CCDC181: variants seen among roughly 807,000 people sequenced by gnomAD.
The protein encoded by CCDC181 is coiled-coil domain-containing protein 181.
Under a neutral mutation model 58.7 loss-of-function variants are expected in CCDC181, and 35 were observed. That is an observed-to-expected ratio of 0.60 (90% confidence interval 0.46 to 0.79). The LOEUF (loss-of-function observed/expected upper bound fraction) is 0.79, where lower values mean the gene tolerates loss of function less well. CCDC181 is among the 30% of genes least tolerant of loss of function. The pLI is 0.00. For synonymous variants in CCDC181, 183 were observed against 197.5 expected, an observed-to-expected ratio of 0.93 and a Z score of 0.62; for missense variants, 517 against 583.9, an observed-to-expected ratio of 0.89 and a Z score of 1.18.
At position 169,421,649 on chromosome 1, in the gene CCDC181, T is replaced by C. The variant is rs768566003; in HGVS notation, c.782A>G (p.Asn261Ser). 6 of 1,614,036 alleles carry C rather than the reference T, an allele frequency of 3.7e-6. No individual in the cohort carries two copies. In the South Asian group the frequency reaches 6.6e-5, roughly 18 times the overall value. ...TTTCTTGGTGCCACTGACAGAGGAG[T>C]TGGAAGATCTGGGTAACAACTGCTG... ...DPQQLLPRSS[N>S]SSVSGTKKED... The change falls in exon 3 of 6, where the codon AAC becomes AGC. Residue 261 changes from asparagine (N) to serine (S), a missense_variant. By Grantham distance (46) the Asn-to-Ser change is conservative. Transcript: ENST00000367806.
In CCDC181 at chr1:169,419,040, T is replaced by G. The variant is rs1464387562; in HGVS notation, c.1188A>C (p.Ala396=). 1 of 1,613,740 alleles carries G rather than the reference T, an allele frequency of 6.2e-7. No individual in the cohort carries two copies. ...QVLEMRRIQR[A]KEIEDMNSRQ... is the part of the protein sequence containing the mutation. ...TACTGTTCATGTCTTCAATTTCCTTTGCTCGCTGAATTCTCCTCATTTCTA... is the reference window on the plus strand; with the variant it reads ...TACTGTTCATGTCTTCAATTTCCTTGGCTCGCTGAATTCTCCTCATTTCTA... Residue 396 remains alanine, a synonymous_variant, in exon 4 of 6, where the codon GCA becomes GCC. Transcript: ENST00000367806.
chr1:169,442,048 A>T (rs957423968), intron 2 of CCDC181, among the ~76,000 whole-genome samples: 1 of 152,140 alleles, frequency 6.6e-6, no homozygotes, highest in Non-Finnish European at 1.5e-5. Context: ...TACATTTTGA[A>T]TAAATGATTT....
At chr1:169,401,253 A>G (rs1452080010) in intron 4 of CCDC181, among the ~76,000 whole-genome samples, 1 of 152,172 alleles carries the variant, frequency 6.6e-6, no homozygotes, top group Non-Finnish European at 1.5e-5. Context: ...GGCAGCAGAA[A>G]CTTCTGCAGA....
chr1:169,431,062 A>C (rs1656907631), upstream of CCDC181, among the ~76,000 whole-genome samples: 1 of 152,192 alleles, frequency 6.6e-6, no homozygotes, highest in Admixed American at 6.5e-5. Context: ...TCCTTTTGTT[A>C]CTTAAACATG....
chr1:169,422,415 G>T, intron 2 of CCDC181, 102 bp from the exon 3 acceptor site: 1 of 788,186 alleles, frequency 1.3e-6, no homozygotes. Flanking sequence ...TTATGAATGG[G>T]AAAATTTAAG....
upstream of CCDC181, among the ~76,000 whole-genome samples, chr1:169,430,402 A>G (rs986869085): frequency 6.6e-5 from 10 of 152,204 alleles, no homozygotes; most frequent in Admixed American, 3.9e-4. Context: ...TTTTCACAAT[A>G]GTGATTCTAC....
At chr1:169,434,575 T>C (rs1357682904) in intron 2 of CCDC181, among the ~76,000 whole-genome samples, 2 of 151,958 alleles carry the variant, frequency 1.3e-5, no homozygotes, top group East Asian at 1.9e-4. Context: ...ATGTAGTATA[T>C]ATGCACAATG....
At chr1:169,448,254 T>C (rs1314082999) in intron 2 of CCDC181, among the ~76,000 whole-genome samples, 1 of 152,146 alleles carries the variant, frequency 6.6e-6, no homozygotes, top group Non-Finnish European at 1.5e-5. Context: ...AAATATTTTA[T>C]CTTCATTTAT....
At chr1:169,407,345 G>T (rs1467809763) in intron 4 of CCDC181, among the ~76,000 whole-genome samples, 1 of 152,024 alleles carries the variant, frequency 6.6e-6, no homozygotes, top group Non-Finnish European at 1.5e-5. Flanking sequence ...TTAAAATGCT[G>T]CAGGGGAAAA....
chr1:169,448,514 A>C (rs1328238905), intron 2 of CCDC181, among the ~76,000 whole-genome samples: 2 of 151,446 alleles, frequency 1.3e-5, no homozygotes, highest in Non-Finnish European at 2.9e-5. Flanking sequence ...ACTCTATTTT[A>C]TTCTTTTTTG....
chr1:169,409,003 C>T (rs1055189470), intron 4 of CCDC181, among the ~76,000 whole-genome samples: 3 of 152,156 alleles, frequency 2.0e-5, no homozygotes, highest in African/African-American at 7.2e-5. Context: ...CACAACTCCT[C>T]GCCAGCAAGG....
chr1:169,400,516 C>T (rs1472930930), intron 4 of CCDC181, among the ~76,000 whole-genome samples: 3 of 151,966 alleles, frequency 2.0e-5, no homozygotes, highest in African/African-American at 7.3e-5. Flanking sequence ...AGGCCTTCAA[C>T]AGATCGATCC....
At chr1:169,395,376 T>A (rs1052524917) in intron 5 of CCDC181, among the ~76,000 whole-genome samples, 170 bp from the exon 6 acceptor site, 3 of 152,244 alleles carry the variant, frequency 2.0e-5, no homozygotes, top group African/African-American at 7.2e-5. Flanking sequence ...CACCCAAGGC[T>A]CATACAAGAA....
intron 4 of CCDC181, among the ~76,000 whole-genome samples, chr1:169,411,079 T>G (rs1284437150): frequency 6.6e-6 from 1 of 151,958 alleles, no homozygotes; most frequent in Non-Finnish European, 1.5e-5. Flanking sequence ...GAAAAACCCT[T>G]CAAAAAATCA....
intron 2 of CCDC181, among the ~76,000 whole-genome samples, chr1:169,423,557 G>A (rs777635727): frequency 2.6e-5 from 4 of 151,964 alleles, no homozygotes; most frequent in South Asian, 2.1e-4. Flanking sequence ...ATAATCATCC[G>A]CTGGAATGTG....
intron 4 of CCDC181, among the ~76,000 whole-genome samples, chr1:169,405,163 C>A (rs1183012654): frequency 6.6e-6 from 1 of 152,104 alleles, no homozygotes; most frequent in East Asian, 1.9e-4. Flanking sequence ...TAAGAGGACA[C>A]AAACAAATGG....
At chr1:169,403,146 AC>A (rs1382693094) in intron 4 of CCDC181, among the ~76,000 whole-genome samples, 1 of 152,224 alleles carries the variant, frequency 6.6e-6, no homozygotes, top group Non-Finnish European at 1.5e-5. Flanking sequence ...ATACAGGAGC[AC>A]CCAGATTCAT....
At chr1:169,426,219 C>G (rs1656703857) in intron 1 of CCDC181, among the ~76,000 whole-genome samples, 2 of 152,180 alleles carry the variant, frequency 1.3e-5, no homozygotes, top group African/African-American at 4.8e-5. Context: ...TATCAAATCC[C>G]TTAAGCCTTT....
chr1:169,453,270 G>T (rs1657595741), intron 2 of CCDC181, among the ~76,000 whole-genome samples: 1 of 151,974 alleles, frequency 6.6e-6, no homozygotes, highest in Non-Finnish European at 1.5e-5. Flanking sequence ...GCCATAATTT[G>T]ATTAATATTA....
Sources: gnomAD v4.1 joint callset for allele counts (sites outside exome capture counted in the v4.1 genomes callset) on GRCh38, gnomAD v4.1.1 for gene constraint, MANE v1.5 for transcripts, NCBI Gene and HGNC (gene_info 2026-07-23, HGNC 2026-07-21) for gene names.